The following GRB2 variants were observed in gnomAD, a reference collection of about 807,000 sequenced individuals.
The protein encoded by GRB2 is growth factor receptor-bound protein 2.
Under a neutral mutation model 27.4 loss-of-function variants are expected in GRB2, and 2 were observed. The observed-to-expected ratio is 0.07, with a 90% CI of 0.03 to 0.23. The LOEUF is 0.23. Ranked by LOEUF, GRB2 falls within the 10% of genes least tolerant of loss-of-function variation. The probability of loss-of-function intolerance (pLI) is 1.00; values close to 1 mark genes in which losing one functional copy is unlikely to be tolerated. For missense variants in GRB2, 102 were observed against 282.4 expected (o/e 0.36, Z 4.58); for synonymous variants, 94 against 99.6 (o/e 0.94, Z 0.33).
At chr17:75,345,036 A>G (rs543979091) in intron 2 of GRB2, among the ~76,000 whole-genome samples, 1 of 151,468 alleles carries the variant, frequency 6.6e-6, no homozygotes, top group South Asian at 2.1e-4. Flanking sequence ...GTTTTTTTTT[A>G]AATTTTATTT....
At position 75,320,697 on chromosome 17, in the gene GRB2, C is replaced by T. The variant is rs958090752; in HGVS notation, c.469-144G>A. The T allele has an allele frequency of 2.1e-5, 13 of 628,834 alleles. No homozygotes were observed. The highest frequency in any genetic ancestry group is 7.4e-5 in the African/African-American group (4 of 54,416). The allele number at this position is 628,834 out of a possible 1,614,324, so 39.0% of individuals were successfully genotyped here. A position where few individuals can be genotyped will look rare whatever the true frequency, so the allele number is the denominator to read the frequency against. On this transcript the variant is annotated intron_variant, in intron 5 of 5. Coordinates refer to ENST00000316804, the MANE Select transcript of GRB2 (RefSeq NM_002086.5). This position sits in a 1 kb window ranked among gnomAD's most constrained non-coding sequence, Gnocchi z 4.3. ...ACTCACCTCCCATCTCCCAACCCCC[C>T]GTTTATTCTTACCTATTCTAAGTTT...
intron 2 of GRB2, among the ~76,000 whole-genome samples, chr17:75,385,152 G>A (rs946509502): frequency 6.6e-6 from 1 of 151,780 alleles, no homozygotes; most frequent in Non-Finnish European, 1.5e-5. Flanking sequence ...GAAGTAGGAG[G>A]ATTCCTTGAG....
At chr17:75,401,862 A>T (rs1044156800) in intron 1 of GRB2, among the ~76,000 whole-genome samples, 2 of 152,246 alleles carry the variant, frequency 1.3e-5, no homozygotes, top group African/African-American at 4.8e-5. Flanking sequence ...GTGGGCTGTG[A>T]TGATTTTATT....
At chr17:75,374,312 G>A (rs1460942251) in intron 2 of GRB2, among the ~76,000 whole-genome samples, 1 of 146,554 alleles carries the variant, frequency 6.8e-6, no homozygotes, top group African/African-American at 2.5e-5. Context: ...GCTGAGGCAA[G>A]AGAATCGCTG....
chr17:75,338,536 C>A (rs901274622), intron 2 of GRB2, among the ~76,000 whole-genome samples: 1 of 152,236 alleles, frequency 6.6e-6, no homozygotes, highest in Admixed American at 6.5e-5. Context: ...TACCCCACAG[C>A]TGCATTTTCT....
At chr17:75,397,626 A>G (rs2079036470) in intron 1 of GRB2, among the ~76,000 whole-genome samples, 2 of 152,150 alleles carry the variant, frequency 1.3e-5, no homozygotes, top group African/African-American at 2.4e-5. Context: ...TTGAATCTTC[A>G]TGGTCTCTAG....
At chr17:75,332,379 C>T (rs1306417042) in intron 3 of GRB2, among the ~76,000 whole-genome samples, 1 of 152,044 alleles carries the variant, frequency 6.6e-6, no homozygotes, top group Non-Finnish European at 1.5e-5. Context: ...AGTACCTTTT[C>T]TAAAACTCAA....
chr17:75,367,501 A>G (rs1166926249), intron 2 of GRB2, among the ~76,000 whole-genome samples: 1 of 152,174 alleles, frequency 6.6e-6, no homozygotes, highest in African/African-American at 2.4e-5. Context: ...AAGGGAGATC[A>G]TGAGGTAGAA....
At chr17:75,378,613 A>G (rs1297082420) in intron 2 of GRB2, among the ~76,000 whole-genome samples, 1 of 152,218 alleles carries the variant, frequency 6.6e-6, no homozygotes, top group Non-Finnish European at 1.5e-5. Context: ...AGAACTTTAA[A>G]GGTAACAACT....
rs554126476 is a variant in GRB2, at chr17:75,378,172, C to T, written c.78+15379G>A. ...AGGCCGAGGTGGGGGGGAGGATCAC[C>T]TGCAGTCAGGAGTTCGAGACCAGCC... On this transcript the variant is annotated intron_variant, in intron 2 of 5. Transcript: ENST00000316804. Among the ~76,000 whole-genome samples, 8 of 152,004 alleles carry T rather than the reference C, an allele frequency of 5.3e-5. No homozygotes were observed. The South Asian group carries it at 1.2e-3, about 24-fold the overall frequency.
chr17:75,320,403 G>A lies in GRB2; in HGVS notation c.619C>T (p.Arg207Cys), dbSNP rs767443992. The change falls in exon 6 of 6, where the codon CGC becomes TGC. Residue 207 changes from arginine to cysteine, a missense_variant. Coordinates refer to ENST00000316804, the MANE Select transcript of GRB2 (RefSeq NM_002086.5). This position sits in a 1 kb window ranked among gnomAD's most constrained non-coding sequence, Gnocchi z 4.3. Reference protein sequence around the residue: ...ACHGQTGMFPRNYVTPVNRNV With the variant: ...ACHGQTGMFPCNYVTPVNRNV ...CGGTTCACGGGGGTGACATAATTGC[G>A]GGGAAACATGCCGGTCTGCCCGTGG... 9.3e-6 allele frequency: 15 copies of A among 1,613,886 alleles called. No homozygotes were observed. The highest frequency in any genetic ancestry group is 1.3e-5 in the African/African-American group (1 of 74,886).
In GRB2 at chr17:75,318,334, G is replaced by A. The variant is rs1406520185; in HGVS notation, c.*2034C>T. 2.0e-5 allele frequency: 3 copies of A among 152,196 alleles called. No homozygotes were observed. Among genetic ancestry groups the A allele is most frequent in the Non-Finnish European group, 4.4e-5 (3 of 68,056 alleles). 9.4% of individuals were successfully genotyped at this position (152,196 alleles called of 1,614,324 possible). On this transcript the variant is annotated 3_prime_UTR_variant, in exon 6 of 6. Coordinates refer to ENST00000316804, the MANE Select transcript of GRB2 (RefSeq NM_002086.5). ...AGAGAAGCAGGATGAGGAAGAGTGAGGGAAGGCGGGGACAGGCTCTGCCCA... is the reference window on the plus strand; with the variant it reads ...AGAGAAGCAGGATGAGGAAGAGTGAAGGAAGGCGGGGACAGGCTCTGCCCA...
In GRB2 at chr17:75,360,019, T is replaced by C. The variant is rs951802990; in HGVS notation, c.79-27222A>G. On this transcript the variant is annotated intron_variant, in intron 2 of 5. Transcript: ENST00000316804. Reference sequence around the variant, plus strand: ...AAGACAGACTGGGCATGGTGGCTCATGCCTGTAATCTCAGAAATTTAGAAG... The same window carrying C: ...AAGACAGACTGGGCATGGTGGCTCACGCCTGTAATCTCAGAAATTTAGAAG... Among the ~76,000 whole-genome samples the C allele has an allele frequency of 2.0e-5, 3 of 150,180 alleles. No individual in the cohort carries two copies. The East Asian group carries it at 5.8e-4, about 29-fold the overall frequency.
intron 2 of GRB2, among the ~76,000 whole-genome samples, chr17:75,375,961 G>C (rs1180697901): frequency 1.4e-5 from 2 of 146,422 alleles, no homozygotes; most frequent in African/African-American, 5.0e-5. Context: ...GGAGGCAGAG[G>C]TTGCAGTGAG....
intron 2 of GRB2, among the ~76,000 whole-genome samples, chr17:75,379,400 T>TAA (rs373865766): frequency 1.8e-3 from 134 of 73,726 alleles, no homozygotes; most frequent in South Asian, 0.013. Context: ...CTTGATTTCT[T>TAA]AAAAAAAAAA....
rs61764607 is a variant in GRB2 at position 75,331,007 on chromosome 17, C to CACAA, written c.176+1689_176+1692dup. The stretch of plus-strand genomic sequence containing the variant: ...CTCCATAACCCCTGCTCCCCACCCC[C>CACAA]ACAAACAAACAAACAAACAAACAAA... On this transcript the variant is annotated intron_variant, in intron 3 of 5. Transcript: ENST00000316804. Among the ~76,000 whole-genome samples, 205 of 151,998 alleles carry CACAA rather than the reference C, an allele frequency of 1.3e-3. 2 individuals are homozygous for CACAA. In the East Asian group the frequency reaches 0.024, roughly 18 times the overall value.
intron 2 of GRB2, among the ~76,000 whole-genome samples, chr17:75,386,257 T>G (rs1176641553): frequency 6.6e-6 from 1 of 152,124 alleles, no homozygotes; most frequent in Non-Finnish European, 1.5e-5. Flanking sequence ...TAGCTGGGAC[T>G]AGAGGCACAC....
At chr17:75,350,225 T>A (rs2078681416) in intron 2 of GRB2, among the ~76,000 whole-genome samples, 1 of 113,724 alleles carries the variant, frequency 8.8e-6, no homozygotes, top group Admixed American at 1.1e-4. Flanking sequence ...CAAGATCTCA[T>A]CTCTGAGGGG....
At chr17:75,380,876 T>C (rs1043515918) in intron 2 of GRB2, among the ~76,000 whole-genome samples, 2 of 152,188 alleles carry the variant, frequency 1.3e-5, no homozygotes, top group African/African-American at 4.8e-5. Flanking sequence ...TAAAACACTG[T>C]CAAACTTTGA....
Sources: gnomAD v4.1 joint callset for allele counts (sites outside exome capture counted in the v4.1 genomes callset) on GRCh38, gnomAD v4.1.1 for gene constraint, Gnocchi (gnomAD v3.1) non-coding constraint, MANE v1.5 for transcripts, NCBI Gene and HGNC (gene_info 2026-07-23, HGNC 2026-07-21) for gene names.